TLR5: variants seen among roughly 807,000 people sequenced by gnomAD.
The protein encoded by TLR5 is toll-like receptor 5.
For missense variants in TLR5, 944 were observed against 999.8 expected, an observed-to-expected ratio of 0.94 and a Z score of 0.75; for synonymous variants, 373 against 384.4, an observed-to-expected ratio of 0.97 and a Z score of 0.35.
At chr1:223,133,971 G>A (rs1050523058) in intron 4 of TLR5, among the ~76,000 whole-genome samples, 3 of 152,222 alleles carry the variant, frequency 2.0e-5, no homozygotes, top group Non-Finnish European at 2.9e-5. Context: ...TATCGCTTGC[G>A]CAGTAGAGTG....
rs11388643 is a variant in TLR5, at chr1:223,140,546, CA to C, written c.-439+1101del. 1.4e-3 allele frequency among the ~76,000 whole-genome samples: 169 copies of C among 122,572 alleles called. 1 individual carries two copies. Among genetic ancestry groups the C allele is most frequent in the Middle Eastern group, 4.3e-3 (1 of 232 alleles). The allele number at this position is 122,572 out of a possible 152,430, so 80.4% of individuals were successfully genotyped here. A position where few individuals can be genotyped will look rare whatever the true frequency, so the allele number is the denominator to read the frequency against. On this transcript the variant is annotated intron_variant, in intron 2 of 5. Coordinates refer to ENST00000642603, the MANE Select transcript of TLR5 (RefSeq NM_003268.6). The stretch of plus-strand genomic sequence containing the variant: ...TAGGTGACAGAGTGAGACTCTGTCT[CA>C]AAAAAAAAAAAAAAGGCATGGTTAG...
intron 2 of TLR5, 58 bp downstream of exon 2, chr1:223,141,590 T>A (rs1334141910): frequency 6.6e-6 from 1 of 151,708 alleles, no homozygotes; most frequent in Non-Finnish European, 1.5e-5. Flanking sequence ...CCGACCAACA[T>A]GGTGAAACCC....
chr1:223,122,098 A>G (rs1202653236), intron 5 of TLR5, among the ~76,000 whole-genome samples: 1 of 152,108 alleles, frequency 6.6e-6, no homozygotes, highest in African/African-American at 2.4e-5. Flanking sequence ...CATCCCTCCT[A>G]CCTCCAAGGT....
rs1657378213 is a variant in TLR5, at chr1:223,131,059, G to A, written c.-5+1416C>T. On this transcript the variant is annotated intron_variant, in intron 5 of 5. Transcript: ENST00000642603. This position sits in a 1 kb window ranked among gnomAD's most constrained non-coding sequence, Gnocchi z 4.2. ...GCTCCACTGCCTCCCCTCTAGATATGGGAGACACCACCTTGCTAGTCTCCC... is the reference window on the plus strand; with the variant it reads ...GCTCCACTGCCTCCCCTCTAGATATAGGAGACACCACCTTGCTAGTCTCCC... Among the ~76,000 whole-genome samples the A allele has an allele frequency of 6.6e-6, 1 of 152,060 alleles. No individual in the cohort carries two copies. The highest frequency in any genetic ancestry group is 2.4e-5 in the African/African-American group (1 of 41,400).
chr1:223,141,254 T>C (rs903990447), intron 2 of TLR5: 2 of 152,188 alleles, frequency 1.3e-5, no homozygotes. Flanking sequence ...GGCACTGTTC[T>C]GGAAACACCG....
rs1656256657 is a variant in TLR5, at chr1:223,110,425, C to CT, written c.*29dup. 4 of 1,611,580 alleles carry CT rather than the reference C, an allele frequency of 2.5e-6. No individual in the cohort carries two copies. In the East Asian group the frequency reaches 8.9e-5, roughly 36 times the overall value. Reference sequence around the variant, plus strand: ...ATACAAAGTGAAGAGTTATTTGTGGCTTGAGATAAGTTGGAAATTGCTCCT... The same window carrying CT: ...ATACAAAGTGAAGAGTTATTTGTGGCTTTGAGATAAGTTGGAAATTGCTCCT... On this transcript the variant is annotated 3_prime_UTR_variant, in exon 6 of 6. Coordinates refer to ENST00000642603, the MANE Select transcript of TLR5 (RefSeq NM_003268.6).
At chr1:223,138,897 C>T (rs960122615) in intron 2 of TLR5, among the ~76,000 whole-genome samples, 2 of 152,222 alleles carry the variant, frequency 1.3e-5, no homozygotes, top group East Asian at 3.8e-4. Flanking sequence ...TGGGAGGTAA[C>T]TGAATCCTGG....
intron 5 of TLR5, among the ~76,000 whole-genome samples, chr1:223,120,374 T>C (rs1177664469): frequency 6.6e-6 from 1 of 152,240 alleles, no homozygotes; most frequent in Admixed American, 6.5e-5. Context: ...TCAGAAAGTC[T>C]TTCAATCCAC....
chr1:223,113,802 CGTTT>C (rs1451113722), intron 5 of TLR5, among the ~76,000 whole-genome samples: 2 of 152,054 alleles, frequency 1.3e-5, no homozygotes, highest in Non-Finnish European at 2.9e-5. Context: ...TTCATTCATT[CGTTT>C]GTTTATTCAT....
chr1:223,111,812 T>A lies in TLR5; in HGVS notation c.1220A>T (p.Asp407Val). The change falls in exon 6 of 6, where the codon GAT (aspartate) becomes GTT (valine). Residue 407 changes from aspartate (D) to valine (V), a missense_variant. By Grantham distance (152) the Asp-to-Val change is radical. Transcript: ENST00000642603. ...TAGTTTATTGCCACTCAAGAAGATA[T>A]CGGGTATGCTTGGAATAAAATGAAT... ...TTIHFIPSIP[D>V]IFLSGNKLVT... is the part of the protein sequence containing the mutation. The A allele has an allele frequency of 1.9e-6, 3 of 1,614,162 alleles. No individual in the cohort carries two copies. Among genetic ancestry groups the A allele is most frequent in the South Asian group, 2.2e-5 (2 of 91,080 alleles).
In TLR5 at chr1:223,110,381, A is replaced by G; in HGVS notation, c.*74T>C. The G allele has an allele frequency of 5.1e-6, 8 of 1,561,380 alleles. No homozygotes were observed. Among genetic ancestry groups the G allele is most frequent in the South Asian group, 1.1e-5 (1 of 88,272 alleles). ...AAAAAAACCTCCAGAGAGGACCCCA[A>G]AATGATAACTTGGTGCAAATACAAA... On this transcript the variant is annotated 3_prime_UTR_variant, in exon 6 of 6. Coordinates refer to ENST00000642603, the MANE Select transcript of TLR5 (RefSeq NM_003268.6).
In TLR5 at chr1:223,134,854, G is replaced by A. The variant is rs5744147; in HGVS notation, c.-342C>T. On this transcript the variant is annotated 5_prime_UTR_variant, in exon 4 of 6. Coordinates refer to ENST00000642603, the MANE Select transcript of TLR5 (RefSeq NM_003268.6). ...GAGCAGATGAGAGTAGGGAAGTCCA[G>A]TATAGCATCCCTGAAAGTAATGACA... is the stretch of plus-strand genomic sequence containing the variant. The A allele has an allele frequency of 0.018, 2,736 of 151,794 alleles. 83 individuals carry two copies. Among genetic ancestry groups the A allele is most frequent in the East Asian group, 0.089 (467 of 5,234 alleles). 9.4% of individuals were successfully genotyped at this position (151,794 alleles called of 1,614,324 possible). A position where few individuals can be genotyped will look rare whatever the true frequency, so the allele number is the denominator to read the frequency against.
chr1:223,112,246 G>A lies in TLR5; in HGVS notation c.786C>T (p.His262=). 1.9e-6 allele frequency: 3 copies of A among 1,614,206 alleles called. No homozygotes were observed. Among genetic ancestry groups the A allele is most frequent in the Non-Finnish European group, 2.5e-6 (3 of 1,180,032 alleles). The stretch of plus-strand genomic sequence containing the variant: ...AGCCAAACCCGGCACCCATGATGTG[G>A]TGGGCAAGAATCAAAGAGAAGGCCT... The part of the protein sequence containing the change: ...KSQAFSLILA[H]HIMGAGFGFH... Residue 262 remains histidine (H), a synonymous_variant, in exon 6 of 6, where the codon CAC becomes CAT. Coordinates refer to ENST00000642603, the MANE Select transcript of TLR5 (RefSeq NM_003268.6).
intron 5 of TLR5, chr1:223,123,756 A>G (rs1007495351): frequency 2.0e-5 from 3 of 152,266 alleles, no homozygotes; most frequent in Admixed American, 6.5e-5. Context: ...GGGAAATCCA[A>G]TCTAAAGAGG....
At chr1:223,141,810 TATATATATATATAGAGAGAGAGAGAGAG>T (rs1320548753) in intron 1 of TLR5, 47 bp from the exon 2 acceptor site, 3 of 70,722 alleles carry the variant, frequency 4.2e-5, no homozygotes, top group African/African-American at 2.0e-4. Flanking sequence ...TATATATATA[TATATATATATATAGAGAGAGAGAGAGAG>T]AGAGAGAGAG....
rs1276145784 is a variant in TLR5, at chr1:223,111,951, T to C, written c.1081A>G (p.Lys361Glu). The change falls in exon 6 of 6, where the codon AAG becomes GAG. Residue 361 changes from lysine (K) to glutamate (E), a missense_variant. Lys to Glu is a moderately conservative substitution (Grantham distance 56). Transcript: ENST00000642603. ...LYSSNFYGLP[K>E]VAYIDLQKNH... The stretch of plus-strand genomic sequence containing the variant: ...TTTTGCAAATCAATGTAGGCTACCT[T>C]AGGTAGTCCATAGAAATTCGAACTG... 6.2e-7 allele frequency: 1 copy of C among 1,614,176 alleles called. No homozygotes were observed.
rs56243703 is a variant in TLR5, at chr1:223,110,727, G to A, written c.2305C>T (p.Leu769Phe). ...CCCTGGGCATAACTGAAGGCTTCAA[G>A]GCACCAGCCATCTCTAAGGAAGTGT... ...SRHFLRDGWCLEAFSYAQGRC... is the reference protein window; with the variant it reads ...SRHFLRDGWCFEAFSYAQGRC... The change falls in exon 6 of 6, where the codon CTT becomes TTT. Residue 769 changes from leucine (L) to phenylalanine (F), a missense_variant. Physicochemically the swap from Leu to Phe is conservative, Grantham distance 22. Transcript: ENST00000642603. 3.9e-3 allele frequency: 6,274 copies of A among 1,614,190 alleles called. 28 individuals are homozygous for A. The highest frequency in any genetic ancestry group is 7.3e-3 in the Middle Eastern group (44 of 6,062).
Position 223,111,594 on chromosome 1 carries a change from G to A in TLR5, c.1438C>T (p.Leu480Phe). The change falls in exon 6 of 6, where the codon CTT becomes TTT. Residue 480 changes from leucine to phenylalanine, a missense_variant. Physicochemically the swap from Leu to Phe is conservative, Grantham distance 22 (BLOSUM62 0). Coordinates refer to ENST00000642603, the MANE Select transcript of TLR5 (RefSeq NM_003268.6). ...GCAAGTTGCAACATATTTTCTCCAA[G>A]GAAAAGCTGTTCTAAGCTGGGATTC... is the stretch of plus-strand genomic sequence containing the variant. ...SENPSLEQLFLGENMLQLAWE... is the reference protein window; with the variant it reads ...SENPSLEQLFFGENMLQLAWE... 1 of 1,614,186 alleles carries A rather than the reference G, an allele frequency of 6.2e-7. No homozygotes were observed. Among genetic ancestry groups the A allele is most frequent in the Non-Finnish European group, 8.5e-7 (1 of 1,180,026 alleles).
chr1:223,110,124 T>C lies in TLR5; in HGVS notation c.*331A>G. The C allele has an allele frequency of 5.9e-6, 2 of 339,226 alleles. No homozygotes were observed. Among genetic ancestry groups the C allele is most frequent in the Non-Finnish European group, 1.1e-5 (2 of 185,262 alleles). The allele number at this position is 339,226 out of a possible 1,614,324, so 21.0% of individuals were successfully genotyped here. A position where few individuals can be genotyped will look rare whatever the true frequency, so the allele number is the denominator to read the frequency against. On this transcript the variant is annotated 3_prime_UTR_variant, in exon 6 of 6. Coordinates refer to ENST00000642603, the MANE Select transcript of TLR5 (RefSeq NM_003268.6). ...TGCTAGAGAAAGCACGTCAGCCATC[T>C]GCAACTTCTCCCAAGGTGCCCTTCC...
Sources: gnomAD v4.1 joint callset for allele counts (sites outside exome capture counted in the v4.1 genomes callset) on GRCh38, gnomAD v4.1.1 for gene constraint, Gnocchi (gnomAD v3.1) non-coding constraint, MANE v1.5 for transcripts, NCBI Gene and HGNC (gene_info 2026-07-23, HGNC 2026-07-21) for gene names.